The following PNPLA7 variants were observed in gnomAD, a reference collection of about 807,000 sequenced individuals.
The protein encoded by PNPLA7 is patatin-like phospholipase domain-containing protein 7.
Under a neutral mutation model 161.7 loss-of-function variants are expected in PNPLA7, and 153 were observed. The ratio of observed to expected loss-of-function variants is 0.95; its 90% CI spans 0.83 to 1.08. The LOEUF is 1.08. PNPLA7 is among the 50% of genes least tolerant of loss of function. The pLI is 0.00. For missense variants in PNPLA7, 1,739 were observed against 1,856.6 expected (o/e 0.94, Z 1.16); for synonymous variants, 809 against 782.1 (o/e 1.03, Z -0.57).
chr9:137,493,166 C>A, intron 19 of PNPLA7, 84 bp from the exon 20 acceptor site: 1 of 1,396,372 alleles, frequency 7.2e-7, no homozygotes, highest in South Asian at 1.2e-5. Context: ...TCAACAACAG[C>A]GAGACTCAGC....
Position 137,461,928 on chromosome 9 carries a change from C to CA in PNPLA7, c.3756+2dup. On this transcript the variant is annotated splice_region_variant and intron_variant, in intron 32 of 34. Transcript: ENST00000406427. ...TGGGCGTGGTCCGGACGCCCGTACT[C>CA]ACCGCACTCGCGGGCTTCTTGCTCG... 1 of 1,563,052 alleles carries CA rather than the reference C, an allele frequency of 6.4e-7. No homozygotes were observed. Among genetic ancestry groups the CA allele is most frequent in the Non-Finnish European group, 8.6e-7 (1 of 1,159,836 alleles).
chr9:137,475,697 A>G (rs1156930258), intron 25 of PNPLA7, among the ~76,000 whole-genome samples: 1 of 152,100 alleles, frequency 6.6e-6, no homozygotes, highest in East Asian at 1.9e-4. Context: ...TTTTTTAAAA[A>G]AAAAGAATCT....
At chr9:137,470,158 C>T (rs1233750626) in intron 25 of PNPLA7, among the ~76,000 whole-genome samples, 1 of 152,038 alleles carries the variant, frequency 6.6e-6, no homozygotes, top group Non-Finnish European at 1.5e-5. Flanking sequence ...TCCCAAGTAG[C>T]TACGACCATA....
rs938916282 is a variant in PNPLA7, at chr9:137,486,074, G to A, written c.2198-1338C>T. ...TGGATGCTCCTCCTCTGCAGTCCCC[G>A]TGGCCCAGCCCTCTCACAGGCTGTC... On this transcript the variant is annotated intron_variant, in intron 20 of 34. Coordinates refer to ENST00000406427, the MANE Select transcript of PNPLA7 (RefSeq NM_001098537.3). This position sits in a 1 kb window ranked among gnomAD's most constrained non-coding sequence, Gnocchi z 6.0. Among the ~76,000 whole-genome samples the A allele has an allele frequency of 6.6e-6, 1 of 151,896 alleles. No homozygotes were observed. The highest frequency in any genetic ancestry group is 1.5e-5 in the Non-Finnish European group (1 of 67,962).
Position 137,524,520 on chromosome 9 carries a change from T to A in PNPLA7, c.748-1663A>T, listed in dbSNP as rs949463401. On this transcript the variant is annotated intron_variant, in intron 8 of 34. Transcript: ENST00000406427. The surrounding 1 kb of genome is among the most constrained non-coding windows in gnomAD (Gnocchi z 4.4). ...GACAATTCTAAATAAAGCTGCTTGA[T>A]AAATATGCATCTCCCAGTGTTTGCG... 3.3e-5 allele frequency among the ~76,000 whole-genome samples: 5 copies of A among 152,254 alleles called. No homozygotes were observed. The highest frequency in any genetic ancestry group is 1.2e-4 in the African/African-American group (5 of 41,470).
chr9:137,549,943 A>C (rs975833531), intron 1 of PNPLA7, among the ~76,000 whole-genome samples: 4 of 152,238 alleles, frequency 2.6e-5, no homozygotes, highest in Admixed American at 2.6e-4. Context: ...AACAATGCCC[A>C]TGGGCCACCA....
chr9:137,494,633 T>A (rs1832942846), intron 19 of PNPLA7, among the ~76,000 whole-genome samples: 1 of 146,936 alleles, frequency 6.8e-6, no homozygotes, highest in Non-Finnish European at 1.5e-5. Flanking sequence ...CCTCATCCAC[T>A]CCGCACCCTC....
chr9:137,494,912 T>TCTCACCTGCTCCGCGCC (rs1832966266), intron 19 of PNPLA7, 121 bp downstream of exon 19: 17 of 771,006 alleles, frequency 2.2e-5, no homozygotes, highest in East Asian at 3.1e-5. Context: ...TGCTCTGCGC[T>TCTCACCTGCTCCGCGCC]CTCACCTGCT....
At chr9:137,480,578 C>T (rs967919567) in intron 22 of PNPLA7, 98 bp from the exon 23 acceptor site, 13 of 1,352,562 alleles carry the variant, frequency 9.6e-6, no homozygotes, top group Admixed American at 2.5e-5. Flanking sequence ...CAGCACCAGC[C>T]GCTGCCCCTT....
rs1186762119 is a variant in PNPLA7, at chr9:137,534,905, C to T, written c.747+5737G>A. Among the ~76,000 whole-genome samples the T allele has an allele frequency of 2.8e-5, 4 of 140,556 alleles. No homozygotes were observed. The Middle Eastern group carries it at 0.011, about 390-fold the overall frequency. 92.2% of individuals were successfully genotyped at this position (140,556 alleles called of 152,430 possible). On this transcript the variant is annotated intron_variant, in intron 8 of 34. Transcript: ENST00000406427. ...CACCAGGACCAAGTCCCTCGAACCG[C>T]GCGTTCTAACAGGCAACCACTAATG...
chr9:137,545,265 C>G (rs904528394), intron 4 of PNPLA7, among the ~76,000 whole-genome samples: 1 of 152,332 alleles, frequency 6.6e-6, no homozygotes, highest in Middle Eastern at 3.4e-3. Context: ...AAGTGAGTCA[C>G]GCAGCTTTCA....
intron 22 of PNPLA7, 47 bp downstream of exon 22, chr9:137,480,913 T>C: frequency 1.3e-6 from 2 of 1,537,354 alleles, no homozygotes; most frequent in East Asian, 2.4e-5. Flanking sequence ...ATCTCAGGGC[T>C]GCGTTGGGCC....
chr9:137,498,854 C>A (rs1250054633), intron 16 of PNPLA7, among the ~76,000 whole-genome samples: 2 of 152,146 alleles, frequency 1.3e-5, no homozygotes, highest in East Asian at 3.9e-4. Context: ...GAGAGTGACG[C>A]CGGGCGACTC....
intron 8 of PNPLA7, among the ~76,000 whole-genome samples, chr9:137,529,500 C>A (rs564802642): frequency 6.6e-6 from 1 of 151,996 alleles, no homozygotes; most frequent in Admixed American, 6.6e-5. Context: ...TTTTAGCAGG[C>A]GATTAAGCTG....
intron 33 of PNPLA7, 100 bp from the exon 34 acceptor site, chr9:137,460,837 C>G: frequency 8.7e-7 from 1 of 1,152,012 alleles, no homozygotes; most frequent in Non-Finnish European, 1.2e-6. Context: ...ATGCCCACCC[C>G]CGCCTCCAAG....
intron 16 of PNPLA7, 136 bp from the exon 17 acceptor site, chr9:137,498,381 G>T: frequency 7.5e-7 from 1 of 1,324,788 alleles, no homozygotes; most frequent in South Asian, 1.4e-5. Context: ...GGCAGGGGCT[G>T]GGACGGGGCA....
rs375259835 is a variant in PNPLA7, at chr9:137,547,321, G to A, written c.181C>T (p.Leu61Phe). Reference protein sequence around the residue: ...GVLILFMFRRLRQFRQAQPTP... With the variant: ...GVLILFMFRRFRQFRQAQPTP... ...CCAAGATACTCACGAAATTGTCTAAGCCTTCTGAACATGAAAAGGATGAGG... is the reference window on the plus strand; with the variant it reads ...CCAAGATACTCACGAAATTGTCTAAACCTTCTGAACATGAAAAGGATGAGG... The change falls in exon 3 of 35, where the codon CTT becomes TTT. Residue 61 changes from leucine (L) to phenylalanine (F), a missense_variant. Transcript: ENST00000406427. This position sits in a 1 kb window ranked among gnomAD's most constrained non-coding sequence, Gnocchi z 4.6. 1.2e-6 allele frequency: 2 copies of A among 1,613,422 alleles called. No homozygotes were observed. The highest frequency in any genetic ancestry group is 2.7e-5 in the African/African-American group (2 of 74,932).
rs1831528924 is a variant in PNPLA7, at chr9:137,467,422, A to G, written c.2934T>C (p.Pro978=). Residue 978 remains proline (P), a synonymous_variant, in exon 26 of 35, where the codon CCT becomes CCC. Transcript: ENST00000406427. This position sits in a 1 kb window ranked among gnomAD's most constrained non-coding sequence, Gnocchi z 5.1. ...VLKALAECGI[P]VDMVGGTSIG... is the part of the protein sequence containing the mutation. ...TGGACGTGCCTCCCACCATGTCCAC[A>G]GGGATGCCGCACTCCGCCAAGGCCT... The G allele has an allele frequency of 6.2e-7, 1 of 1,613,414 alleles. No homozygotes were observed. The highest frequency in any genetic ancestry group is 8.5e-7 in the Non-Finnish European group (1 of 1,180,004).
chr9:137,462,623 A>G, intron 30 of PNPLA7, 62 bp downstream of exon 30: 1 of 1,583,630 alleles, frequency 6.3e-7, no homozygotes, highest in Non-Finnish European at 8.6e-7. Flanking sequence ...CTGCCGCAGG[A>G]CAGGTGTGGA....
Sources: allele counts gnomAD v4.1 joint callset (sites outside exome capture counted in the v4.1 genomes callset), GRCh38; gene constraint gnomAD v4.1.1; non-coding constraint Gnocchi (gnomAD v3.1); transcripts MANE v1.5; gene names NCBI Gene and HGNC (gene_info 2026-07-23, HGNC 2026-07-21).